Variants in NPLOC4 observed in about 807,000 individuals in gnomAD.
NPLOC4 encodes nuclear protein localization protein 4 homolog.
A neutral mutation model predicts 80.6 loss-of-function variants in NPLOC4; 18 were observed. The ratio of observed to expected loss-of-function variants is 0.22; its 90% CI spans 0.15 to 0.33. The LOEUF is 0.33. Among genes scored for constraint, NPLOC4 ranks in the 10% least tolerant of loss-of-function variants. The probability of loss-of-function intolerance (pLI) is 1.00; values close to 1 mark genes in which losing one functional copy is unlikely to be tolerated. For missense variants in NPLOC4, 540 were observed against 786.1 expected (o/e 0.69, Z 3.74); for synonymous variants, 313 against 301.5 (o/e 1.04, Z -0.39).
chr17:81,619,407 G>A (rs1198454200), intron 3 of NPLOC4, among the ~76,000 whole-genome samples: 1 of 151,616 alleles, frequency 6.6e-6, no homozygotes, highest in Admixed American at 6.6e-5. Context: ...AAATTAGCCG[G>A]GCGTGGTGGC....
intron 1 of NPLOC4, chr17:81,636,259 C>T (rs8079963): frequency 0.46 from 69,531 of 152,218 alleles, 17,366 homozygotes; most frequent in East Asian, 0.77. Flanking sequence ...GCGTGAGCCA[C>T]TGCGCCGGGC....
intron 9 of NPLOC4, among the ~76,000 whole-genome samples, chr17:81,598,973 T>A (rs773646103): frequency 6.6e-6 from 1 of 152,040 alleles, no homozygotes; most frequent in African/African-American, 2.4e-5. Flanking sequence ...AAAATCAAAC[T>A]GAGAAAAATT....
intron 9 of NPLOC4, among the ~76,000 whole-genome samples, chr17:81,599,631 G>C (rs1301013812): frequency 3.3e-5 from 5 of 152,110 alleles, no homozygotes; most frequent in Non-Finnish European, 5.9e-5. Flanking sequence ...GAGTTGATTA[G>C]GAAATAAAGG....
intron 11 of NPLOC4, among the ~76,000 whole-genome samples, chr17:81,593,414 C>T (rs182897708): frequency 6.4e-4 from 98 of 152,192 alleles, no homozygotes; most frequent in Non-Finnish European, 1.2e-4. Flanking sequence ...AGTCCAGAAG[C>T]ACTGACACAC....
At chr17:81,607,945 T>G (rs1343307426) in intron 6 of NPLOC4, among the ~76,000 whole-genome samples, 2 of 152,218 alleles carry the variant, frequency 1.3e-5, no homozygotes, top group Non-Finnish European at 2.9e-5. Context: ...TGACAGGAAT[T>G]ATAAAATAAT....
intron 3 of NPLOC4, among the ~76,000 whole-genome samples, chr17:81,614,039 G>A (rs1177406586): frequency 6.6e-6 from 1 of 152,118 alleles, no homozygotes; most frequent in Admixed American, 6.5e-5. Flanking sequence ...CACTTTGGGA[G>A]GCTGAGGCAG....
chr17:81,633,127 C>CA (rs57190405), intron 1 of NPLOC4, among the ~76,000 whole-genome samples: 27,348 of 105,600 alleles, frequency 0.26, 3,693 homozygotes, highest in Middle Eastern at 0.35. Context: ...GACTCCGTCT[C>CA]AAAAAAAAAA....
At chr17:81,636,594 C>A in intron 1 of NPLOC4, 1 of 262,734 alleles carries the variant, frequency 3.8e-6, no homozygotes, top group Non-Finnish European at 7.2e-6. Context: ...CAGGAAGTCT[C>A]CTGGAGCCGG....
intron 2 of NPLOC4, among the ~76,000 whole-genome samples, chr17:81,623,729 C>G (rs375608281): frequency 6.8e-6 from 1 of 147,304 alleles, no homozygotes; most frequent in African/African-American, 2.5e-5. Context: ...ACCCGGGAGG[C>G]GGAGCTTGCA....
intron 12 of NPLOC4, among the ~76,000 whole-genome samples, chr17:81,587,351 T>A (rs2034609561): frequency 6.6e-6 from 1 of 152,154 alleles, no homozygotes. Flanking sequence ...AGTCTTGCTC[T>A]GTCACCCAGG....
intron 2 of NPLOC4, among the ~76,000 whole-genome samples, chr17:81,629,485 GC>G (rs2035879028): frequency 6.6e-6 from 1 of 152,280 alleles, no homozygotes; most frequent in East Asian, 1.9e-4. Context: ...ACCACGCCCA[GC>G]CGTGAAATAT....
intron 3 of NPLOC4, among the ~76,000 whole-genome samples, chr17:81,616,333 A>AAAAAAAAAAAAC (rs780878214): frequency 5.2e-5 from 6 of 115,614 alleles, no homozygotes; most frequent in Non-Finnish European, 8.6e-5. Context: ...AAAAAAAAAA[A>AAAAAAAAAAAAC]AAAAAGAAAA....
Position 81,558,185 on chromosome 17 carries a change from T to A in NPLOC4, c.*1074A>T, listed in dbSNP as rs1342899507. 6.6e-6 allele frequency: 1 copy of A among 152,356 alleles called. No homozygotes were observed. Among genetic ancestry groups the A allele is most frequent in the African/African-American group, 2.4e-5 (1 of 41,460 alleles). The allele number at this position is 152,356 out of a possible 1,614,324, so 9.4% of individuals were successfully genotyped here. On this transcript the variant is annotated 3_prime_UTR_variant, in exon 17 of 17. Transcript: ENST00000331134. ...AGATCGCCCAGTCTCCCTCTATTGGTACACTATCAATTGTGCAGTGCCCCA... is the reference window on the plus strand; with the variant it reads ...AGATCGCCCAGTCTCCCTCTATTGGAACACTATCAATTGTGCAGTGCCCCA...
chr17:81,605,360 A>T (rs2035176376), intron 7 of NPLOC4, among the ~76,000 whole-genome samples: 1 of 151,658 alleles, frequency 6.6e-6, no homozygotes, highest in African/African-American at 2.4e-5. Flanking sequence ...CTTAAGAAAA[A>T]AACCAGTCAG....
intron 16 of NPLOC4, 174 bp downstream of exon 16, chr17:81,565,331 T>C: frequency 1.4e-6 from 1 of 708,900 alleles, no homozygotes; most frequent in Non-Finnish European, 2.6e-6. Flanking sequence ...CACCGGAGCC[T>C]GCCACGTGCC....
At chr17:81,625,911 G>A (rs1181548265) in intron 2 of NPLOC4, among the ~76,000 whole-genome samples, 1 of 152,078 alleles carries the variant, frequency 6.6e-6, no homozygotes, top group African/African-American at 2.4e-5. Flanking sequence ...CACTTTGGGA[G>A]GCCGAGTTGG....
intron 12 of NPLOC4, among the ~76,000 whole-genome samples, chr17:81,587,464 T>C (rs1210378111): frequency 1.3e-5 from 2 of 151,448 alleles, no homozygotes; most frequent in Non-Finnish European, 2.9e-5. Flanking sequence ...TACAGGCGCC[T>C]GCCACCATGC....
Position 81,628,135 on chromosome 17 carries a change from C to T in NPLOC4, c.96+1590G>A, listed in dbSNP as rs550876963. Reference sequence around the variant, plus strand: ...CTGAGGCAGGAGAGTGGCGTGAACCCGGGAGGCGGAGCTTGCAGTGAGCCA... The same window carrying T: ...CTGAGGCAGGAGAGTGGCGTGAACCTGGGAGGCGGAGCTTGCAGTGAGCCA... On this transcript the variant is annotated intron_variant, in intron 2 of 16. Coordinates refer to ENST00000331134, the MANE Select transcript of NPLOC4 (RefSeq NM_017921.4). Among the ~76,000 whole-genome samples the T allele has an allele frequency of 7.3e-5, 11 of 150,970 alleles. No homozygotes were observed. In the South Asian group the frequency reaches 1.5e-3, roughly 20 times the overall value.
intron 2 of NPLOC4, among the ~76,000 whole-genome samples, chr17:81,624,694 A>G (rs1481634304): frequency 6.6e-6 from 1 of 152,236 alleles, no homozygotes; most frequent in Non-Finnish European, 1.5e-5. Context: ...AATAAGCACT[A>G]CGACAGAAAA....
Sources: allele counts gnomAD v4.1 joint callset (sites outside exome capture counted in the v4.1 genomes callset), GRCh38; gene constraint gnomAD v4.1.1; transcripts MANE v1.5; gene names NCBI Gene and HGNC (gene_info 2026-07-23, HGNC 2026-07-21).